The following CACNA1H variants were observed in gnomAD, a reference collection of about 807,000 sequenced individuals.
CACNA1H encodes the protein voltage-dependent T-type calcium channel subunit alpha-1H.
Under a neutral mutation model 192.5 loss-of-function variants are expected in CACNA1H, and 149 were observed. The ratio of observed to expected loss-of-function variants is 0.77; its 90% CI spans 0.68 to 0.89. CACNA1H has a LOEUF of 0.89. CACNA1H is among the 40% of genes least tolerant of loss of function. The pLI, the probability that CACNA1H is intolerant of heterozygous loss-of-function variation, is 0.00. For synonymous variants in CACNA1H, 2,202 were observed against 1,475.2 expected (o/e 1.49, Z -11.29); for missense variants, 4,257 against 3,423.5 (o/e 1.24, Z -6.08).
chr16:1,160,372 C>G (rs1051330604), intron 2 of CACNA1H, among the ~76,000 whole-genome samples: 1 of 152,186 alleles, frequency 6.6e-6, no homozygotes, highest in African/African-American at 2.4e-5. Flanking sequence ...TGGGCAGATA[C>G]AAGGGGTGAA....
At chr16:1,203,945 G>A (rs1968328009) in intron 9 of CACNA1H, 65 bp from the exon 10 acceptor site, 3 of 1,263,114 alleles carry the variant, frequency 2.4e-6, no homozygotes, top group Admixed American at 2.5e-5. Context: ...TGTGTGTGAG[G>A]GTTCCCGGGC....
chr16:1,171,564 T>C (rs909386922), intron 2 of CACNA1H, among the ~76,000 whole-genome samples: 2 of 152,304 alleles, frequency 1.3e-5, no homozygotes, highest in Admixed American at 1.3e-4. Flanking sequence ...TAAACTCCCT[T>C]GGCTGCCGCA....
rs751450496 is a variant in CACNA1H at position 1,210,440 on chromosome 16, C to T, written c.3916C>T (p.Leu1306Phe). 8.7e-6 allele frequency: 14 copies of T among 1,605,442 alleles called. No homozygotes were observed. In the South Asian group the frequency reaches 9.9e-5, roughly 11 times the overall value. Reference sequence around the variant, plus strand: ...TCACGTGGTCCTCGTCTTCATCTTCCTCAACTGCGTCACCATCGCCCTGGA... The same window carrying T: ...TCACGTGGTCCTCGTCTTCATCTTCTTCAACTGCGTCACCATCGCCCTGGA... Reference protein sequence around the residue: ...FDHVVLVFIFLNCVTIALERP... With the variant: ...FDHVVLVFIFFNCVTIALERP... Residue 1306 changes from leucine to phenylalanine, a missense_variant, in exon 19 of 35, where the codon CTC (leucine) becomes TTC (phenylalanine). Leu to Phe is a conservative substitution (Grantham distance 22). Transcript: ENST00000348261.
Position 1,201,480 on chromosome 16 carries a change from T to G in CACNA1H, c.1213-183T>G, listed in dbSNP as rs76029271. ...AGATAGGCACAAAGCAGCTACTGTA[T>G]GCCGTCTGCTCCAGACGTGGGGGCT... On this transcript the variant is annotated intron_variant, in intron 8 of 34. Transcript: ENST00000348261. 0.024 allele frequency among the ~76,000 whole-genome samples: 3,620 copies of G among 152,258 alleles called. 103 individuals carry two copies. The highest frequency in any genetic ancestry group is 0.068 in the African/African-American group (2,809 of 41,542).
chr16:1,163,301 C>A (rs1333412012), intron 2 of CACNA1H, among the ~76,000 whole-genome samples: 1 of 152,224 alleles, frequency 6.6e-6, no homozygotes, highest in Non-Finnish European at 1.5e-5. Context: ...TTGAGTGGGG[C>A]CCAGTTGGAG....
chr16:1,217,816 A>C (rs775126465), intron 31 of CACNA1H, 103 bp from the exon 32 acceptor site: 1 of 1,411,970 alleles, frequency 7.1e-7, no homozygotes, highest in East Asian at 2.5e-5. Context: ...CCTCCGGGCT[A>C]TCCTGCCTCT....
At chr16:1,184,495 G>A (rs146188812) in intron 2 of CACNA1H, among the ~76,000 whole-genome samples, 5 of 152,354 alleles carry the variant, frequency 3.3e-5, no homozygotes, top group South Asian at 2.1e-4. Flanking sequence ...CTCGTTTCCC[G>A]GCCCTCACCC....
chr16:1,160,936 C>A (rs556579567), intron 2 of CACNA1H, among the ~76,000 whole-genome samples: 13 of 152,130 alleles, frequency 8.5e-5, no homozygotes, highest in African/African-American at 2.4e-4. Context: ...GCGGCCCCCC[C>A]CCAGCCTCGG....
chr16:1,163,416 G>A (rs1332161817), intron 2 of CACNA1H, among the ~76,000 whole-genome samples: 1 of 152,234 alleles, frequency 6.6e-6, no homozygotes, highest in African/African-American at 2.4e-5. Flanking sequence ...GGAGTGTCCA[G>A]TGAGCTGCCG....
chr16:1,218,179 G>A, intron 32 of CACNA1H, 31 bp from the exon 33 acceptor site: 1 of 1,541,898 alleles, frequency 6.5e-7, no homozygotes, highest in Non-Finnish European at 8.8e-7. Flanking sequence ...GGTGGGTGTG[G>A]ACCCCGGCCC....
intron 8 of CACNA1H, 122 bp downstream of exon 8, chr16:1,200,930 G>T (rs962818539): frequency 1.3e-6 from 1 of 763,286 alleles, no homozygotes; most frequent in Non-Finnish European, 2.2e-6. Flanking sequence ...GAGCACACAG[G>T]GGAGGGAGGC....
At position 1,180,650 on chromosome 16, in the gene CACNA1H, G is replaced by C. The variant is rs971702514; in HGVS notation, c.300-14322G>C. ...TGGCCCACCTGGCCTTGGCTTTCCC[G>C]GGGCAGGTAGGGAGGGGCCTGGGCA... On this transcript the variant is annotated intron_variant, in intron 2 of 34. Transcript: ENST00000348261. The surrounding 1 kb of genome is among the most constrained non-coding windows in gnomAD (Gnocchi z 4.4). 1.3e-5 allele frequency among the ~76,000 whole-genome samples: 2 copies of C among 152,066 alleles called. No homozygotes were observed. Among genetic ancestry groups the C allele is most frequent in the Non-Finnish European group, 1.5e-5 (1 of 67,986 alleles).
intron 2 of CACNA1H, among the ~76,000 whole-genome samples, chr16:1,161,994 C>T (rs1963250388): frequency 6.6e-6 from 1 of 152,146 alleles, no homozygotes; most frequent in Non-Finnish European, 1.5e-5. Context: ...CTGAAGTGGA[C>T]TGGCAGAGGT....
intron 2 of CACNA1H, among the ~76,000 whole-genome samples, chr16:1,189,218 G>A (rs1966362668): frequency 6.6e-6 from 1 of 152,198 alleles, no homozygotes; most frequent in African/African-American, 2.4e-5. Flanking sequence ...GAAGCGTCCT[G>A]GGCGGGACTG....
chr16:1,168,612 G>T (rs1300721478), intron 2 of CACNA1H, among the ~76,000 whole-genome samples: 1 of 152,062 alleles, frequency 6.6e-6, no homozygotes, highest in East Asian at 1.9e-4. Flanking sequence ...TGTGTCTGGT[G>T]GTCCTCAGTG....
intron 2 of CACNA1H, among the ~76,000 whole-genome samples, chr16:1,173,232 C>A (rs935258541): frequency 6.6e-6 from 1 of 152,198 alleles, no homozygotes; most frequent in African/African-American, 2.4e-5. Context: ...GGTGGCCAGG[C>A]AGGGAGGAAA....
In CACNA1H at chr16:1,221,658, C is replaced by T. The variant is rs751104949; in HGVS notation, c.*664C>T. The stretch of plus-strand genomic sequence containing the variant: ...GAGATTCCCATTGACACCTTTGTTT[C>T]GTGTGCTTTTAAATTCAGGTTAAAT... On this transcript the variant is annotated 3_prime_UTR_variant, in exon 35 of 35. Coordinates refer to ENST00000348261, the MANE Select transcript of CACNA1H (RefSeq NM_021098.3). The T allele has an allele frequency of 2.0e-5, 20 of 1,022,806 alleles. No individual in the cohort carries two copies. The highest frequency in any genetic ancestry group is 3.4e-5 in the South Asian group (2 of 58,038). The allele number at this position is 1,022,806 out of a possible 1,614,324, so 63.4% of individuals were successfully genotyped here. A position where few individuals can be genotyped will look rare whatever the true frequency, so the allele number is the denominator to read the frequency against.
At chr16:1,155,741 C>A (rs184819306) in intron 2 of CACNA1H, among the ~76,000 whole-genome samples, 4 of 152,142 alleles carry the variant, frequency 2.6e-5, no homozygotes, top group Non-Finnish European at 5.9e-5. Flanking sequence ...GTGTTCTGGG[C>A]TGGCTGTGTG....
At position 1,210,598 on chromosome 16, in the gene CACNA1H, A is replaced by G; in HGVS notation, c.3985A>G (p.Ser1329Gly). ...CTCCCGGCAGGAGCGGGTCTTCCTC[A>G]GCGTCTCCAATTACATCTTCACGGC... ...DPGSTERVFL[S>G]VSNYIFTAIF... is the part of the protein sequence containing the mutation. The change falls in exon 20 of 35, where the codon AGC becomes GGC. Residue 1329 changes from serine to glycine, a missense_variant. Transcript: ENST00000348261. 6.2e-7 allele frequency: 1 copy of G among 1,608,268 alleles called. No individual in the cohort carries two copies. Among genetic ancestry groups the G allele is most frequent in the Non-Finnish European group, 8.5e-7 (1 of 1,179,760 alleles).
Sources: allele counts gnomAD v4.1 joint callset (sites outside exome capture counted in the v4.1 genomes callset), GRCh38; gene constraint gnomAD v4.1.1; non-coding constraint Gnocchi (gnomAD v3.1); transcripts MANE v1.5; gene names NCBI Gene and HGNC (gene_info 2026-07-23, HGNC 2026-07-21).